Variants in PSMG2 observed in about 807,000 individuals in gnomAD.
PSMG2 encodes the protein CD40 ligand-activated specific transcript 3.
PSMG2 carries 21 observed loss-of-function variants against 31.5 expected under a neutral mutation model. The observed-to-expected ratio is 0.67, with a 90% CI of 0.47 to 0.96. The LOEUF (loss-of-function observed/expected upper bound fraction) is 0.96, where lower values mean the gene tolerates loss of function less well. PSMG2 is among the 40% of genes least tolerant of loss of function. The pLI, the probability that PSMG2 is intolerant of heterozygous loss-of-function variation, is 0.00. For synonymous variants in PSMG2, 120 were observed against 110.4 expected (o/e 1.09, Z -0.54); for missense variants, 318 against 321.2 (o/e 0.99, Z 0.08).
In PSMG2 at chr18:12,673,288, C is replaced by T. The variant is rs1156861236; in HGVS notation, c.-37+14515C>T. The T allele has an allele frequency of 2.0e-6, 3 of 1,507,202 alleles. No individual in the cohort carries two copies. The African/African-American group carries it at 4.4e-5, about 22-fold the overall frequency. 93.4% of individuals were successfully genotyped at this position (1,507,202 alleles called of 1,614,324 possible). On this transcript the variant is annotated intron_variant, in intron 1 of 6. Transcript: ENST00000585331. Reference sequence around the variant, plus strand: ...CAGATTGTGATTTTAAAATAACAAACCTCTAAATAGCTAAGTAATGTACAA... The same window carrying T: ...CAGATTGTGATTTTAAAATAACAAATCTCTAAATAGCTAAGTAATGTACAA...
At chr18:12,708,927 G>T (rs2040298715) in intron 2 of PSMG2, among the ~76,000 whole-genome samples, 1 of 151,816 alleles carries the variant, frequency 6.6e-6, no homozygotes, top group Admixed American at 6.6e-5. Context: ...GGCCAGGCTG[G>T]TCTCAAACTC....
chr18:12,702,596 T>C, upstream of PSMG2: 1 of 1,575,634 alleles, frequency 6.3e-7, no homozygotes, highest in Non-Finnish European at 8.6e-7. Flanking sequence ...TCAGATGCCC[T>C]AACTGCGCGG....
intron 1 of PSMG2, chr18:12,692,137 G>A (rs1158770272): frequency 6.6e-6 from 1 of 152,136 alleles, no homozygotes; most frequent in African/African-American, 2.4e-5. Flanking sequence ...CCAACATGGT[G>A]AAACCCCATC....
At chr18:12,661,632 A>C (rs1270920446) in intron 1 of PSMG2, among the ~76,000 whole-genome samples, 1 of 150,676 alleles carries the variant, frequency 6.6e-6, no homozygotes, top group East Asian at 2.0e-4. Flanking sequence ...AAAATTAGCC[A>C]GGCATGGTGA....
At chr18:12,700,916 A>G, upstream of PSMG2, 2 of 1,504,222 alleles carry the variant, frequency 1.3e-6, no homozygotes, top group Non-Finnish European at 1.8e-6. Flanking sequence ...GCATTAGTAT[A>G]TACATATATA....
In PSMG2 at chr18:12,668,645, A is replaced by G. The variant is rs115249225; in HGVS notation, c.-37+9872A>G. ...AAAAAAAAAATAGTGAATGTACTTA[A>G]TCCAATCAAAAAGCTGAAACTGTTC... On this transcript the variant is annotated intron_variant, in intron 1 of 6. Transcript: ENST00000585331. Among the ~76,000 whole-genome samples the G allele has an allele frequency of 8.4e-3, 1,213 of 144,238 alleles. 28 individuals are homozygous for G. The highest frequency in any genetic ancestry group is 0.028 in the African/African-American group (1,114 of 39,184). 94.6% of individuals were successfully genotyped at this position (144,238 alleles called of 152,430 possible).
At chr18:12,703,295 A>T in intron 1 of PSMG2, 131 bp downstream of exon 1, 1 of 1,105,444 alleles carries the variant, frequency 9.0e-7, no homozygotes, top group South Asian at 1.6e-5. Flanking sequence ...TTCGGCCGGA[A>T]AAAACAGGGA....
intron 1 of PSMG2, chr18:12,672,895 C>T: frequency 1.0e-6 from 1 of 985,148 alleles, no homozygotes; most frequent in African/African-American, 1.7e-5. Flanking sequence ...AATTCATTAA[C>T]ATTTATTTTC....
At chr18:12,699,310 A>T, upstream of PSMG2, 1 of 747,774 alleles carries the variant, frequency 1.3e-6, no homozygotes, top group Non-Finnish European at 2.2e-6. Context: ...AATACCAAAG[A>T]CTAAAAAAAA....
At chr18:12,682,088 G>A (rs939786851) in intron 1 of PSMG2, among the ~76,000 whole-genome samples, 3 of 152,056 alleles carry the variant, frequency 2.0e-5, no homozygotes, top group African/African-American at 7.2e-5. Context: ...TTACAATTTC[G>A]TATTTAAGTG....
At chr18:12,686,575 C>G in intron 1 of PSMG2, 1 of 678,732 alleles carries the variant, frequency 1.5e-6, no homozygotes. Context: ...ACCTTGTATC[C>G]AGTATTTGGC....
At chr18:12,711,529 G>T (rs921864935) in intron 2 of PSMG2, among the ~76,000 whole-genome samples, 1 of 152,162 alleles carries the variant, frequency 6.6e-6, no homozygotes, top group South Asian at 2.1e-4. Flanking sequence ...CATACCTGGT[G>T]CTTGCTAGAT....
intron 1 of PSMG2, among the ~76,000 whole-genome samples, chr18:12,673,881 A>G (rs528198617): frequency 3.3e-5 from 5 of 152,202 alleles, no homozygotes; most frequent in Non-Finnish European, 7.3e-5. Flanking sequence ...ACTCCATCTC[A>G]AAAATAAATA....
chr18:12,674,486 A>C (rs1044312503), intron 1 of PSMG2: 9 of 1,381,502 alleles, frequency 6.5e-6, no homozygotes, highest in Non-Finnish European at 4.1e-6. Flanking sequence ...TGCCGGACTG[A>C]TCTGTAAGAC....
At chr18:12,721,171 C>G (rs2040427932) in intron 5 of PSMG2, among the ~76,000 whole-genome samples, 1 of 152,118 alleles carries the variant, frequency 6.6e-6, no homozygotes, top group Non-Finnish European at 1.5e-5. Flanking sequence ...CAGCAAGACT[C>G]CGTCTCAAAA....
At chr18:12,697,281 T>C (rs370980507) in intron 1 of PSMG2, 10 of 1,613,918 alleles carry the variant, frequency 6.2e-6, no homozygotes, top group East Asian at 4.5e-5. Flanking sequence ...CCAAAACCGA[T>C]CGCCATTCCA....
At chr18:12,713,893 A>G (rs919464139) in intron 3 of PSMG2, among the ~76,000 whole-genome samples, 2 of 151,958 alleles carry the variant, frequency 1.3e-5, no homozygotes, top group African/African-American at 2.4e-5. Context: ...CTGGGATTAC[A>G]GGGACACGCC....
upstream of PSMG2, chr18:12,702,534 C>T (rs535941691): frequency 3.7e-6 from 6 of 1,607,634 alleles, no homozygotes; most frequent in South Asian, 4.4e-5. Context: ...AGGCTTTCTC[C>T]GGAGGCAGCG....
chr18:12,698,916 G>T, upstream of PSMG2: 2 of 1,198,884 alleles, frequency 1.7e-6, no homozygotes, highest in Non-Finnish European at 2.4e-6. Context: ...CATTATTATT[G>T]TTTCACAATA....
Sources: gnomAD v4.1 joint callset for allele counts (sites outside exome capture counted in the v4.1 genomes callset) on GRCh38, gnomAD v4.1.1 for gene constraint, MANE v1.5 for transcripts, NCBI Gene and HGNC (gene_info 2026-07-23, HGNC 2026-07-21) for gene names.